The following ALDH1A2 variants were observed in gnomAD, a reference collection of about 807,000 sequenced individuals.
The protein encoded by ALDH1A2 is retinal dehydrogenase 2.
Under a neutral mutation model 60.3 loss-of-function variants are expected in ALDH1A2, and 27 were observed. The observed-to-expected ratio is 0.45, with a 90% CI of 0.33 to 0.62. The LOEUF (loss-of-function observed/expected upper bound fraction) is 0.62, where lower values mean the gene tolerates loss of function less well. Ranked by LOEUF, ALDH1A2 falls within the 20% of genes least tolerant of loss-of-function variation. The pLI, the probability that ALDH1A2 is intolerant of heterozygous loss-of-function variation, is 0.02. For synonymous variants in ALDH1A2, 289 were observed against 232.4 expected (o/e 1.24, Z -2.21); for missense variants, 581 against 643.8 (o/e 0.90, Z 1.06).
intron 9 of ALDH1A2, among the ~76,000 whole-genome samples, chr15:57,963,347 C>CTT (rs67005556): frequency 0.36 from 49,308 of 137,264 alleles, 9,559 homozygotes; most frequent in Non-Finnish European, 0.45. Context: ...TCAGAATATT[C>CTT]TTTTTTTTTT....
At chr15:58,045,245 T>C (rs370618509) in intron 1 of ALDH1A2, among the ~76,000 whole-genome samples, 26 of 151,912 alleles carry the variant, frequency 1.7e-4, no homozygotes, top group African/African-American at 4.8e-4. Flanking sequence ...CAGGAAACAA[T>C]AGATGCTGGA....
chr15:58,001,883 A>G (rs904360626), intron 4 of ALDH1A2, among the ~76,000 whole-genome samples: 1 of 151,944 alleles, frequency 6.6e-6, no homozygotes, highest in Admixed American at 6.6e-5. Context: ...AATGTTCTGG[A>G]TACCACATTG....
chr15:58,036,974 T>C (rs1896392135), intron 1 of ALDH1A2, among the ~76,000 whole-genome samples: 1 of 151,670 alleles, frequency 6.6e-6, no homozygotes, highest in Non-Finnish European at 1.5e-5. Flanking sequence ...CAGCCCTTCT[T>C]TAACTTTAGC....
intron 1 of ALDH1A2, among the ~76,000 whole-genome samples, chr15:58,059,305 C>T (rs547406527): frequency 6.6e-6 from 1 of 152,266 alleles, no homozygotes. Context: ...TTACCTGTCA[C>T]AGTCAATAAA....
chr15:57,985,484 T>C (rs1002673397), intron 7 of ALDH1A2, among the ~76,000 whole-genome samples: 11 of 152,222 alleles, frequency 7.2e-5, no homozygotes, highest in African/African-American at 2.7e-4. Context: ...CAGGTATGTA[T>C]GCTATTATTA....
At chr15:57,959,903 A>G (rs1165545342) in intron 12 of ALDH1A2, among the ~76,000 whole-genome samples, 1 of 152,136 alleles carries the variant, frequency 6.6e-6, no homozygotes, top group African/African-American at 2.4e-5. Flanking sequence ...CCACAAACAC[A>G]CACTACCGTT....
At chr15:58,039,186 C>T (rs766633197) in intron 1 of ALDH1A2, among the ~76,000 whole-genome samples, 4 of 151,792 alleles carry the variant, frequency 2.6e-5, no homozygotes, top group South Asian at 2.1e-4. Flanking sequence ...TTCATAAAAC[C>T]GCCACAGACT....
At chr15:58,018,304 G>T (rs1895837665) in intron 1 of ALDH1A2, among the ~76,000 whole-genome samples, 1 of 151,954 alleles carries the variant, frequency 6.6e-6, no homozygotes, top group Non-Finnish European at 1.5e-5. Flanking sequence ...GAATGAAAAA[G>T]ACATCCAAAA....
At chr15:57,958,998 A>C (rs1433381372) in intron 12 of ALDH1A2, among the ~76,000 whole-genome samples, 1 of 152,176 alleles carries the variant, frequency 6.6e-6, no homozygotes, top group Non-Finnish European at 1.5e-5. Context: ...GTTCAGATAG[A>C]GCCAAACTGT....
intron 1 of ALDH1A2, 155 bp downstream of exon 1, chr15:58,065,379 A>C (rs1197554993): frequency 1.3e-6 from 1 of 763,674 alleles, no homozygotes; most frequent in African/African-American, 1.7e-5. Flanking sequence ...CCAGTCCCGA[A>C]GACAGGCAGG....
chr15:57,978,169 T>C (rs150739048), intron 7 of ALDH1A2, among the ~76,000 whole-genome samples: 2,138 of 152,356 alleles, frequency 0.014, 25 homozygotes, highest in African/African-American at 0.033. Context: ...CTCTTCCTAA[T>C]TGAATACCCT....
intron 7 of ALDH1A2, among the ~76,000 whole-genome samples, chr15:57,970,179 G>A (rs138640914): frequency 1.6e-3 from 251 of 152,358 alleles, no homozygotes; most frequent in African/African-American, 5.8e-3. Context: ...CACCACAGCT[G>A]CACTGAATGA....
At chr15:58,048,639 C>T (rs1203079892) in intron 1 of ALDH1A2, among the ~76,000 whole-genome samples, 1 of 151,910 alleles carries the variant, frequency 6.6e-6, no homozygotes. Flanking sequence ...ATTACGGTGA[C>T]CTATGATGCA....
intron 1 of ALDH1A2, among the ~76,000 whole-genome samples, chr15:58,045,206 A>T (rs1411926696): frequency 2.0e-5 from 3 of 152,118 alleles, no homozygotes; most frequent in African/African-American, 7.2e-5. Flanking sequence ...ACTATCTCAC[A>T]CCAGTTAGAA....
chr15:58,016,661 A>T (rs1041397794), intron 1 of ALDH1A2, among the ~76,000 whole-genome samples: 7 of 152,286 alleles, frequency 4.6e-5, no homozygotes, highest in East Asian at 3.9e-4. Context: ...TAGTGATCTT[A>T]TATTTCCTGT....
chr15:57,955,900 T>C (rs768973943), intron 12 of ALDH1A2, among the ~76,000 whole-genome samples: 1 of 152,190 alleles, frequency 6.6e-6, no homozygotes, highest in Non-Finnish European at 1.5e-5. Flanking sequence ...CCTTATCTAA[T>C]CTATTTCATT....
intron 1 of ALDH1A2, among the ~76,000 whole-genome samples, chr15:58,057,517 T>C (rs1269191020): frequency 6.6e-6 from 1 of 152,196 alleles, no homozygotes; most frequent in African/African-American, 2.4e-5. Flanking sequence ...CATTAAGAAC[T>C]AACAAATCTA....
chr15:57,962,867 A>G (rs375923872), intron 9 of ALDH1A2, among the ~76,000 whole-genome samples: 31 of 152,310 alleles, frequency 2.0e-4, no homozygotes, highest in Admixed American at 1.4e-3. Flanking sequence ...AGTGACCCAT[A>G]TAAGAGCTGG....
At chr15:57,991,229 G>A (rs1449857533) in intron 7 of ALDH1A2, among the ~76,000 whole-genome samples, 2 of 152,030 alleles carry the variant, frequency 1.3e-5, no homozygotes, top group Non-Finnish European at 2.9e-5. Flanking sequence ...GTTTTTCTTA[G>A]CATCTAGCCT....
Sources: gnomAD v4.1 joint callset for allele counts (sites outside exome capture counted in the v4.1 genomes callset) on GRCh38, gnomAD v4.1.1 for gene constraint, MANE v1.5 for transcripts, NCBI Gene and HGNC (gene_info 2026-07-23, HGNC 2026-07-21) for gene names.